The following MCM4 variants were observed in gnomAD, a reference collection of about 807,000 sequenced individuals.
The protein encoded by MCM4 is DNA replication licensing factor MCM4.
Under a neutral mutation model 88.7 loss-of-function variants are expected in MCM4, and 60 were observed. That is an observed-to-expected ratio of 0.68 (90% CI 0.55 to 0.84). MCM4 has a LOEUF of 0.84. Among genes scored for constraint, MCM4 ranks in the 40% least tolerant of loss-of-function variants. MCM4 has a pLI of 0.00. For synonymous variants in MCM4, 465 were observed against 410.5 expected, an observed-to-expected ratio of 1.13 and a Z score of -1.61; for missense variants, 1,149 against 1,105.5, an observed-to-expected ratio of 1.04 and a Z score of -0.56.
chr8:47,974,813 G>A lies in MCM4; in HGVS notation c.2216G>A (p.Arg739His), dbSNP rs774112633. ...CCTCGACAGCTAGAGTCATTAATCC[G>A]CTTAGCAGAAGCCCATGCTAAAGTA... ...AYPRQLESLI[R>H]LAEAHAKVRL... Residue 739 changes from arginine to histidine, a missense_variant, in exon 15 of 17, where the codon CGC (arginine) becomes CAC (histidine). Transcript: ENST00000649973. 5.0e-6 allele frequency: 8 copies of A among 1,614,218 alleles called. No individual in the cohort carries two copies. The highest frequency in any genetic ancestry group is 1.1e-5 in the South Asian group (1 of 91,086).
intron 8 of MCM4, among the ~76,000 whole-genome samples, chr8:47,965,724 G>T (rs2090892459): frequency 6.6e-6 from 1 of 152,198 alleles, no homozygotes; most frequent in Admixed American, 6.5e-5. Flanking sequence ...TGACTTTAAA[G>T]TATAGAGGAC....
rs1222926563 is a variant in MCM4 at position 47,962,488 on chromosome 8, A to G, written c.501+82A>G. 2.8e-6 allele frequency: 4 copies of G among 1,422,780 alleles called. No individual in the cohort carries two copies. In the South Asian group the frequency reaches 3.6e-5, roughly 13 times the overall value. The allele number at this position is 1,422,780 out of a possible 1,614,324, so 88.1% of individuals were successfully genotyped here. Reference sequence around the variant, plus strand: ...GTTTATAATCTATATCTAAGTAGCCATAATGACTAGAAGGGCCACCTGTGG... The same window carrying G: ...GTTTATAATCTATATCTAAGTAGCCGTAATGACTAGAAGGGCCACCTGTGG... On this transcript the variant is annotated intron_variant, in intron 5 of 16. Coordinates refer to ENST00000649973, the MANE Select transcript of MCM4 (RefSeq NM_182746.3).
rs1563837238 is a variant in MCM4 at position 47,976,788 on chromosome 8, A to G, written c.*10A>G. On this transcript the variant is annotated 3_prime_UTR_variant, in exon 17 of 17. Coordinates refer to ENST00000649973, the MANE Select transcript of MCM4 (RefSeq NM_182746.3). ...CGTGCGCTTGCTCTGAAGCCTTGTG[A>G]GCAAGGAAGGCTCCCTGCATGTCCT... The G allele has an allele frequency of 2.5e-6, 4 of 1,578,186 alleles. No homozygotes were observed. In the Admixed American group the frequency reaches 6.7e-5, roughly 26 times the overall value.
In MCM4 at chr8:47,970,627, C is replaced by G; in HGVS notation, c.1551C>G (p.Ser517=). 2 of 1,614,072 alleles carry G rather than the reference C, an allele frequency of 1.2e-6. No individual in the cohort carries two copies. Among genetic ancestry groups the G allele is most frequent in the African/African-American group, 2.7e-5 (2 of 75,010 alleles). ...GTGGCGACCCTGGTACCAGCAAGTCCCAGCTGCTGCAGTACGTGTACAACC... is the reference window on the plus strand; with the variant it reads ...GTGGCGACCCTGGTACCAGCAAGTCGCAGCTGCTGCAGTACGTGTACAACC... ...LLCGDPGTSK[S]QLLQYVYNLV... The change falls in exon 12 of 17, where the codon TCC becomes TCG. Residue 517 remains serine, a synonymous_variant. Transcript: ENST00000649973.
chr8:47,966,575 G>A (rs930263419), intron 9 of MCM4, among the ~76,000 whole-genome samples, 168 bp downstream of exon 9: 6 of 152,332 alleles, frequency 3.9e-5, no homozygotes, highest in Admixed American at 6.5e-5. Flanking sequence ...TGCAGAGCAC[G>A]CAAAGCCCCT....
chr8:47,976,136 T>TA (rs1448988229), intron 16 of MCM4, among the ~76,000 whole-genome samples: 1 of 151,880 alleles, frequency 6.6e-6, no homozygotes, highest in Non-Finnish European at 1.5e-5. Flanking sequence ...CTATTAAAAA[T>TA]ACAAAAATTA....
rs2090935401 is a variant in MCM4 at position 47,969,841 on chromosome 8, TA to T, written c.1220del (p.Asn407MetfsTer2). 1 of 1,614,142 alleles carries T rather than the reference TA, an allele frequency of 6.2e-7. No individual in the cohort carries two copies. The highest frequency in any genetic ancestry group is 8.5e-7 in the Non-Finnish European group (1 of 1,180,054). ...CTATTCGAGTCAATCCAAGAGTGAGTAATGTGAAGTCTGTCTACAAAACCCA... is the reference window on the plus strand; with the variant it reads ...CTATTCGAGTCAATCCAAGAGTGAGTATGTGAAGTCTGTCTACAAAACCCA... ...VPIRVNPRVS[N>X]VKSVYKTHID... On this transcript the variant is annotated frameshift_variant, in exon 11 of 17. Transcript: ENST00000649973. LOFTEE classifies it high-confidence loss of function.
intron 14 of MCM4, chr8:47,974,465 C>A: frequency 2.4e-6 from 1 of 413,852 alleles, no homozygotes; most frequent in Non-Finnish European, 4.5e-6. Flanking sequence ...TTCAGAGCTA[C>A]GTTAGATGCC....
In MCM4 at chr8:47,961,026, C is replaced by A; in HGVS notation, c.-15+12C>A. On this transcript the variant is annotated intron_variant, in intron 1 of 16. Coordinates refer to ENST00000649973, the MANE Select transcript of MCM4 (RefSeq NM_182746.3). ...GCCGCCTTTCCACGGTAACCGCGCG[C>A]CGGCGGGGAGGGCGTGGCGCGGAGC... The A allele has an allele frequency of 8.9e-7, 1 of 1,125,848 alleles. No individual in the cohort carries two copies. Among genetic ancestry groups the A allele is most frequent in the Non-Finnish European group, 1.2e-6 (1 of 842,394 alleles). 69.7% of individuals were successfully genotyped at this position (1,125,848 alleles called of 1,614,324 possible). A position where few individuals can be genotyped will look rare whatever the true frequency, so the allele number is the denominator to read the frequency against.
chr8:47,970,667 C>G lies in MCM4; in HGVS notation c.1591C>G (p.Gln531Glu). ...QYVYNLVPRG[Q>E]YTSGKGSSAV... Reference sequence around the variant, plus strand: ...CGTGTACAACCTCGTCCCCAGGGGCCAGTACACGTCTGGGAAGGGCTCCAG... The same window carrying G: ...CGTGTACAACCTCGTCCCCAGGGGCGAGTACACGTCTGGGAAGGGCTCCAG... Residue 531 changes from glutamine (Q) to glutamate (E), a missense_variant, in exon 12 of 17, where the codon CAG becomes GAG. Gln to Glu is a conservative substitution (Grantham distance 29, BLOSUM62 2). This residue lies in a region of MCM4 where 906 missense variants were observed against 843.0 expected (regional missense o/e 1.07). Transcript: ENST00000649973. 6.2e-7 allele frequency: 1 copy of G among 1,614,116 alleles called. No homozygotes were observed. Among genetic ancestry groups the G allele is most frequent in the Non-Finnish European group, 8.5e-7 (1 of 1,180,040 alleles).
At position 47,961,646 on chromosome 8, in the gene MCM4, G is replaced by A; in HGVS notation, c.201G>A (p.Val67=). The part of the protein sequence containing the change: ...VDLQSPAAQD[V]LFSSPPQMHS... ...TGCAGAGCCCTGCTGCGCAGGACGT[G>A]CTGTTTTCCAGCCCTCCCCAAATGC... Residue 67 remains valine, a synonymous_variant, in exon 3 of 17, where the codon GTG becomes GTA. Transcript: ENST00000649973. 3.7e-6 allele frequency: 6 copies of A among 1,612,618 alleles called. No homozygotes were observed. The highest frequency in any genetic ancestry group is 4.2e-6 in the Non-Finnish European group (5 of 1,178,952).
chr8:47,975,764 G>GA lies in MCM4; in HGVS notation c.2420dup (p.Leu808AlafsTer5). On this transcript the variant is annotated frameshift_variant, in exon 16 of 17. Transcript: ENST00000649973. LOFTEE classifies it high-confidence loss of function. The stretch of plus-strand genomic sequence containing the variant: ...GGAAAGAAGAATTAGCTGAAGCATT[G>GA]AAAAAGCTTATTTTATCTAAGGGCA... 3 of 1,585,690 alleles carry GA rather than the reference G, an allele frequency of 1.9e-6. No individual in the cohort carries two copies. The highest frequency in any genetic ancestry group is 2.6e-6 in the Non-Finnish European group (3 of 1,170,324).
At chr8:47,976,004 T>A (rs1341529084) in intron 16 of MCM4, among the ~76,000 whole-genome samples, 156 bp downstream of exon 16, 1 of 152,102 alleles carries the variant, frequency 6.6e-6, no homozygotes, top group African/African-American at 2.4e-5. Context: ...ATAATCACAA[T>A]TAAAATTTTT....
chr8:47,961,138 G>A lies in MCM4; in HGVS notation c.-7G>A, dbSNP rs1287960819. 4 of 1,553,606 alleles carry A rather than the reference G, an allele frequency of 2.6e-6. No homozygotes were observed. Among genetic ancestry groups the A allele is most frequent in the African/African-American group, 1.4e-5 (1 of 70,506 alleles). ...CTTGTCCTTGTCGCGCAGGTACTCC[G>A]AGCACTATGTCGTCCCCGGCGTCGA... On this transcript the variant is annotated 5_prime_UTR_variant, in exon 2 of 17. Transcript: ENST00000649973.
chr8:47,971,431 A>G lies in MCM4; in HGVS notation c.1891A>G (p.Ile631Val). The G allele has an allele frequency of 2.5e-6, 4 of 1,614,136 alleles. No homozygotes were observed. The highest frequency in any genetic ancestry group is 3.4e-6 in the Non-Finnish European group (4 of 1,179,986). Residue 631 changes from isoleucine to valine, a missense_variant, in exon 13 of 17, where the codon ATT becomes GTT. Physicochemically the swap from Ile to Val is conservative, Grantham distance 29 (BLOSUM62 3). This residue lies in a region of MCM4 where 906 missense variants were observed against 843.0 expected (regional missense o/e 1.07). Coordinates refer to ENST00000649973, the MANE Select transcript of MCM4 (RefSeq NM_182746.3). ...ESQWNPKKTT[I>V]ENIQLPHTLL... ...TCAGTGGAATCCTAAAAAAACAACC[A>G]TTGAAAACATCCAGCTGCCTCATAC...
At position 47,969,932 on chromosome 8, in the gene MCM4, G is replaced by A; in HGVS notation, c.1309G>A (p.Glu437Lys). ...KRLHGLDEEA[E>K]QKLFSEKRVE... Reference sequence around the variant, plus strand: ...TCTGCATGGCCTTGATGAAGAAGCAGAACAGAAACTTTTTTCAGAGAAACG... The same window carrying A: ...TCTGCATGGCCTTGATGAAGAAGCAAAACAGAAACTTTTTTCAGAGAAACG... The change falls in exon 11 of 17, where the codon GAA (glutamate) becomes AAA (lysine). Residue 437 changes from glutamate to lysine, a missense_variant. Coordinates refer to ENST00000649973, the MANE Select transcript of MCM4 (RefSeq NM_182746.3). 1.2e-6 allele frequency: 2 copies of A among 1,614,216 alleles called. No individual in the cohort carries two copies. The highest frequency in any genetic ancestry group is 2.2e-5 in the East Asian group (1 of 44,886).
chr8:47,962,498 G>T (rs2090853793), intron 5 of MCM4, 92 bp downstream of exon 5: 2 of 1,312,508 alleles, frequency 1.5e-6, no homozygotes, highest in South Asian at 1.3e-5. Context: ...ATAATGACTA[G>T]AAGGGCCACC....
At chr8:47,975,490 C>T (rs2090993532) in intron 15 of MCM4, 2 of 329,730 alleles carry the variant, frequency 6.1e-6, no homozygotes, top group Admixed American at 4.8e-5. Context: ...TTGTTTGTTT[C>T]TTAGCAGCAG....
At chr8:47,971,652 T>C (rs1410495752) in intron 13 of MCM4, among the ~76,000 whole-genome samples, 184 bp downstream of exon 13, 1 of 152,180 alleles carries the variant, frequency 6.6e-6, no homozygotes, top group Non-Finnish European at 1.5e-5. Flanking sequence ...TTTTAAGCAG[T>C]TGGGATGTTT....
Sources: gnomAD v4.1 joint callset for allele counts (sites outside exome capture counted in the v4.1 genomes callset) on GRCh38, gnomAD v4.1.1 for gene constraint, gnomAD v4.1.1 regional missense constraint, MANE v1.5 for transcripts, NCBI Gene and HGNC (gene_info 2026-07-23, HGNC 2026-07-21) for gene names.